Variants in IFT81 observed in about 807,000 individuals in gnomAD.
IFT81 encodes intraflagellar transport 81, also known as intraflagellar transport protein 81 homolog.
IFT81 carries 72 observed loss-of-function variants against 102.6 expected under a neutral mutation model. The observed-to-expected ratio is 0.70, with a 90% CI of 0.58 to 0.85. IFT81 has a LOEUF of 0.85. IFT81 is among the 40% of genes least tolerant of loss of function. The pLI is 0.00. For synonymous variants in IFT81, 237 were observed against 242.7 expected (o/e 0.98, Z 0.22); for missense variants, 723 against 787.3 (o/e 0.92, Z 0.98).
intron 10 of IFT81, among the ~76,000 whole-genome samples, chr12:110,158,645 A>G (rs1204223213): frequency 1.3e-5 from 2 of 151,626 alleles, no homozygotes; most frequent in East Asian, 1.9e-4. Flanking sequence ...GCCAAACTGC[A>G]GTGGCACTAT....
chr12:110,217,884 T>G (rs959193079), intron 18 of IFT81, among the ~76,000 whole-genome samples, 160 bp from the exon 19 acceptor site: 1 of 152,154 alleles, frequency 6.6e-6, no homozygotes, highest in Non-Finnish European at 1.5e-5. Context: ...CTGGCCTTAG[T>G]TAACTTTTAT....
At chr12:110,159,455 G>A (rs1447231081) in intron 10 of IFT81, among the ~76,000 whole-genome samples, 1 of 152,124 alleles carries the variant, frequency 6.6e-6, no homozygotes, top group African/African-American at 2.4e-5. Context: ...GCCAGATCCT[G>A]TCTCAAAAAA....
chr12:110,132,459 CAAA>C (rs397964365), intron 4 of IFT81, 85 bp from the exon 5 acceptor site: 2,149 of 357,664 alleles, frequency 6.0e-3, no homozygotes, highest in East Asian at 9.2e-3. Context: ...GAGTCTGTCT[CAAA>C]AAAAAAAAAA....
intron 10 of IFT81, among the ~76,000 whole-genome samples, chr12:110,154,194 A>G (rs1895704281): frequency 6.8e-6 from 1 of 147,976 alleles, no homozygotes; most frequent in Admixed American, 6.8e-5. Context: ...CATCTTGGCC[A>G]GTCTGGTCTT....
intron 11 of IFT81, chr12:110,172,007 A>G (rs893413195): frequency 3.3e-5 from 5 of 152,240 alleles, no homozygotes; most frequent in African/African-American, 1.2e-4. Flanking sequence ...AGAAATGGAA[A>G]ATAGCATGGA....
At chr12:110,216,461 C>T (rs1225539703) in intron 18 of IFT81, 3 of 452,734 alleles carry the variant, frequency 6.6e-6, no homozygotes, top group Non-Finnish European at 8.8e-6. Flanking sequence ...TCCCAAAGTG[C>T]TGGAATTACA....
intron 8 of IFT81, among the ~76,000 whole-genome samples, chr12:110,139,364 AAAAAG>A (rs1566109609): frequency 6.6e-6 from 1 of 150,720 alleles, no homozygotes; most frequent in Admixed American, 6.6e-5. Flanking sequence ...AAGAAAAGGA[AAAAAG>A]AAAAGAAAAA....
intron 18 of IFT81, among the ~76,000 whole-genome samples, chr12:110,213,336 A>G (rs1024584617): frequency 2.0e-5 from 3 of 152,128 alleles, no homozygotes; most frequent in African/African-American, 7.2e-5. Context: ...AACATTTTGA[A>G]CTTTGCTGTT....
intron 3 of IFT81, among the ~76,000 whole-genome samples, chr12:110,128,476 T>G (rs1893971387): frequency 6.6e-6 from 1 of 151,270 alleles, no homozygotes; most frequent in African/African-American, 2.4e-5. Context: ...ATTTTCTAAC[T>G]AATGTACAGA....
At position 110,134,965 on chromosome 12, in the gene IFT81, A is replaced by C. The variant is rs748892370; in HGVS notation, c.537A>C (p.Glu179Asp). 1 of 1,611,404 alleles carries C rather than the reference A, an allele frequency of 6.2e-7. No individual in the cohort carries two copies. Among genetic ancestry groups the C allele is most frequent in the East Asian group, 2.2e-5 (1 of 44,830 alleles). Reference sequence around the variant, plus strand: ...CTTTTTAGGATATCAGTGCAATGGAAGAAGAAAAGGATCAGCTCATTAAGA... The same window carrying C: ...CTTTTTAGGATATCAGTGCAATGGACGAAGAAAAGGATCAGCTCATTAAGA... ...AEIRKDISAM[E>D]EEKDQLIKRV... The change falls in exon 6 of 19, where the codon GAA becomes GAC. Residue 179 changes from glutamate (E) to aspartate (D), a missense_variant. Physicochemically the swap from Glu to Asp is conservative, Grantham distance 45. Transcript: ENST00000242591.
intron 12 of IFT81, among the ~76,000 whole-genome samples, chr12:110,184,560 G>A (rs1897441246): frequency 6.6e-6 from 1 of 152,164 alleles, no homozygotes; most frequent in African/African-American, 2.4e-5. Flanking sequence ...GGGATTACAT[G>A]TACAAAAGAT....
intron 12 of IFT81, among the ~76,000 whole-genome samples, chr12:110,183,145 T>G (rs1291144695): frequency 6.6e-6 from 1 of 152,164 alleles, no homozygotes; most frequent in Admixed American, 6.5e-5. Context: ...TGCTGTAAAG[T>G]GTGTCCCTTG....
intron 10 of IFT81, among the ~76,000 whole-genome samples, chr12:110,148,343 A>G (rs909074205): frequency 3.3e-5 from 5 of 151,854 alleles, no homozygotes; most frequent in African/African-American, 1.2e-4. Flanking sequence ...GGTATTACAT[A>G]CTTTTATTTG....
chr12:110,204,255 C>T (rs1898451753), intron 15 of IFT81: 1 of 270,872 alleles, frequency 3.7e-6, no homozygotes, highest in Non-Finnish European at 7.1e-6. Context: ...TTTGTACACA[C>T]TTAATTTCCC....
chr12:110,155,070 A>T (rs1432416945), intron 10 of IFT81, among the ~76,000 whole-genome samples: 3 of 151,884 alleles, frequency 2.0e-5, no homozygotes, highest in Non-Finnish European at 4.4e-5. Context: ...TAGGTGTGAA[A>T]ATATTTATAA....
At chr12:110,140,444 A>G (rs1202544676) in intron 8 of IFT81, among the ~76,000 whole-genome samples, 1 of 152,146 alleles carries the variant, frequency 6.6e-6, no homozygotes, top group Non-Finnish European at 1.5e-5. Flanking sequence ...CCAGGCAACC[A>G]TGGATTTGCT....
intron 6 of IFT81, 59 bp from the exon 7 acceptor site, chr12:110,135,268 A>G (rs1894415865): frequency 9.6e-7 from 1 of 1,040,514 alleles, no homozygotes; most frequent in Non-Finnish European, 1.5e-6. Context: ...GTCACATGAC[A>G]TGCTAATTTT....
intron 12 of IFT81, among the ~76,000 whole-genome samples, chr12:110,181,511 T>C (rs1443103556): frequency 1.3e-5 from 2 of 152,214 alleles, no homozygotes; most frequent in Non-Finnish European, 2.9e-5. Context: ...AAATTTGTAG[T>C]CTTGCATTAT....
At chr12:110,197,774 G>A (rs777696814) in intron 14 of IFT81, among the ~76,000 whole-genome samples, 25 of 151,878 alleles carry the variant, frequency 1.6e-4, no homozygotes, top group Non-Finnish European at 2.9e-4. Flanking sequence ...GTGCAATGGC[G>A]CAACCTTGGC....
Sources: allele counts gnomAD v4.1 joint callset (sites outside exome capture counted in the v4.1 genomes callset), GRCh38; gene constraint gnomAD v4.1.1; transcripts MANE v1.5; gene names NCBI Gene and HGNC (gene_info 2026-07-23, HGNC 2026-07-21).